The following EPB41L4A variants were observed in gnomAD, a reference collection of about 807,000 sequenced individuals.
EPB41L4A encodes the protein erythrocyte membrane protein band 4.1 like 4A, also known as band 4.1-like protein 4A.
A neutral mutation model predicts 108.6 loss-of-function variants in EPB41L4A; 100 were observed. The observed-to-expected ratio is 0.92, with a 90% CI of 0.78 to 1.09. The LOEUF is 1.09. Ranked by LOEUF, EPB41L4A falls within the 50% of genes least tolerant of loss-of-function variation. The pLI, the probability that EPB41L4A is intolerant of heterozygous loss-of-function variation, is 0.00. For synonymous variants in EPB41L4A, 319 were observed against 289.0 expected (o/e 1.10, Z -1.05); for missense variants, 1,030 against 842.7 (o/e 1.22, Z -2.75).
At chr5:112,409,302 T>C (rs1169561220) in intron 1 of EPB41L4A, among the ~76,000 whole-genome samples, 1 of 152,052 alleles carries the variant, frequency 6.6e-6, no homozygotes, top group East Asian at 1.9e-4. Flanking sequence ...GACAGAAAGA[T>C]TAGTGGTTAC....
At chr5:112,313,695 T>C (rs1042071681) in intron 1 of EPB41L4A, among the ~76,000 whole-genome samples, 8 of 152,028 alleles carry the variant, frequency 5.3e-5, no homozygotes, top group Non-Finnish European at 1.2e-4. Context: ...AGTCATTACC[T>C]TTTTTTGCTG....
At chr5:112,335,660 T>C (rs928755881) in intron 1 of EPB41L4A, among the ~76,000 whole-genome samples, 17 of 152,230 alleles carry the variant, frequency 1.1e-4, no homozygotes, top group African/African-American at 3.9e-4. Flanking sequence ...CTACTGCAAG[T>C]GCCTCCTAAC....
chr5:112,209,412 G>T (rs188516125), intron 13 of EPB41L4A, among the ~76,000 whole-genome samples: 1 of 152,348 alleles, frequency 6.6e-6, no homozygotes, highest in African/African-American at 2.4e-5. Flanking sequence ...CAGATGCAGA[G>T]GACCATGACA....
intron 4 of EPB41L4A, among the ~76,000 whole-genome samples, chr5:112,272,083 A>G (rs1251813578): frequency 6.6e-6 from 1 of 151,636 alleles, no homozygotes; most frequent in Non-Finnish European, 1.5e-5. Context: ...AATACTGCAT[A>G]TATTAATAGT....
intron 17 of EPB41L4A, among the ~76,000 whole-genome samples, chr5:112,186,679 T>C (rs1761443791): frequency 6.6e-6 from 1 of 152,216 alleles, no homozygotes; most frequent in South Asian, 2.1e-4. Flanking sequence ...CACATTTTCC[T>C]GAGTAATGGG....
upstream of EPB41L4A, chr5:112,419,753 C>T (rs1198792956): frequency 6.6e-6 from 3 of 456,666 alleles, no homozygotes; most frequent in African/African-American, 2.0e-5. Context: ...GCAGCAGGCT[C>T]CTTACCCAGA....
rs545931005 is a variant in EPB41L4A, at chr5:112,399,428, C to T, written c.99+19513G>A. Among the ~76,000 whole-genome samples, 9 of 152,336 alleles carry T rather than the reference C, an allele frequency of 5.9e-5. No individual in the cohort carries two copies. In the East Asian group the frequency reaches 1.7e-3, roughly 29 times the overall value. On this transcript the variant is annotated intron_variant, in intron 1 of 22. Transcript: ENST00000261486. ...AAGTTGTAAGCTCCATACTGGGAGGCAGTGTGTCAGCCGGCTTCATGGCTG... is the reference window on the plus strand; with the variant it reads ...AAGTTGTAAGCTCCATACTGGGAGGTAGTGTGTCAGCCGGCTTCATGGCTG...
In EPB41L4A at chr5:112,307,443, T is replaced by C; in HGVS notation, c.147A>G (p.Val49=). Residue 49 remains valine (V), a synonymous_variant, in exon 2 of 23, where the codon GTA becomes GTG. Coordinates refer to ENST00000261486, the MANE Select transcript of EPB41L4A (RefSeq NM_022140.5). ...CAAAATAATCTATCTCCACAAGGTTTACGTGATGGAATACGTGGTCAAGGA... is the reference window on the plus strand; with the variant it reads ...CAAAATAATCTATCTCCACAAGGTTCACGTGATGGAATACGTGGTCAAGGA... ...SVVLDHVFHH[V]NLVEIDYFGL... is the part of the protein sequence containing the mutation. 1 of 1,613,410 alleles carries C rather than the reference T, an allele frequency of 6.2e-7. No individual in the cohort carries two copies. Among genetic ancestry groups the C allele is most frequent in the Non-Finnish European group, 8.5e-7 (1 of 1,179,438 alleles).
intron 18 of EPB41L4A, chr5:112,173,642 C>T: frequency 8.8e-6 from 1 of 113,686 alleles, no homozygotes. Flanking sequence ...GAAATGTTAT[C>T]TTTGTTTTTT....
At chr5:112,397,913 G>A (rs2112722900) in intron 1 of EPB41L4A, among the ~76,000 whole-genome samples, 1 of 152,160 alleles carries the variant, frequency 6.6e-6, no homozygotes, top group East Asian at 1.9e-4. Context: ...CCATTATTCT[G>A]TAGTGCAGCC....
intron 1 of EPB41L4A, among the ~76,000 whole-genome samples, chr5:112,418,399 G>A (rs1385837265): frequency 1.3e-5 from 2 of 152,272 alleles, no homozygotes; most frequent in South Asian, 4.1e-4. Context: ...TTAAATGTGA[G>A]GATAAACCCA....
intron 9 of EPB41L4A, among the ~76,000 whole-genome samples, chr5:112,254,142 AT>A (rs1750898184): frequency 1.3e-5 from 2 of 152,162 alleles, no homozygotes; most frequent in African/African-American, 4.8e-5. Flanking sequence ...GCATTTATTC[AT>A]TCTTTCATTT....
At chr5:112,379,515 G>A (rs1371435900) in intron 1 of EPB41L4A, among the ~76,000 whole-genome samples, 1 of 152,156 alleles carries the variant, frequency 6.6e-6, no homozygotes, top group Admixed American at 6.6e-5. Context: ...AAGGTTATTA[G>A]CAGGAGACCA....
At chr5:112,186,989 T>G (rs934050634) in intron 17 of EPB41L4A, among the ~76,000 whole-genome samples, 10 of 152,256 alleles carry the variant, frequency 6.6e-5, no homozygotes, top group Admixed American at 5.9e-4. Context: ...TCTCATTTAT[T>G]CTCAGGTATG....
intron 12 of EPB41L4A, among the ~76,000 whole-genome samples, chr5:112,226,857 C>A (rs1322028201): frequency 6.6e-6 from 1 of 151,218 alleles, no homozygotes; most frequent in Non-Finnish European, 1.5e-5. Flanking sequence ...GGTATAGTTT[C>A]AGAGTCATAA....
intron 1 of EPB41L4A, among the ~76,000 whole-genome samples, chr5:112,388,671 C>G (rs1353112360): frequency 6.6e-6 from 1 of 152,192 alleles, no homozygotes; most frequent in Non-Finnish European, 1.5e-5. Context: ...TTGCAGTGGA[C>G]AGCTATCTCA....
chr5:112,202,543 G>A (rs1441501154), intron 15 of EPB41L4A, among the ~76,000 whole-genome samples: 2 of 152,140 alleles, frequency 1.3e-5, no homozygotes, highest in African/African-American at 2.4e-5. Flanking sequence ...TATAGAGCAA[G>A]CACTTTGCTC....
chr5:112,304,336 G>C (rs1383380291), intron 2 of EPB41L4A, among the ~76,000 whole-genome samples: 1 of 152,130 alleles, frequency 6.6e-6, no homozygotes, highest in Non-Finnish European at 1.5e-5. Context: ...TAACATTAAA[G>C]TAAGACATAA....
chr5:112,153,301 G>A (rs758870732), intron 12 of EPB41L4A, among the ~76,000 whole-genome samples: 8 of 152,004 alleles, frequency 5.3e-5, no homozygotes, highest in Admixed American at 1.3e-4. Flanking sequence ...CAAGGCGGGC[G>A]GATCACGAGG....
Sources: gnomAD v4.1 joint callset for allele counts (sites outside exome capture counted in the v4.1 genomes callset) on GRCh38, gnomAD v4.1.1 for gene constraint, MANE v1.5 for transcripts, NCBI Gene and HGNC (gene_info 2026-07-23, HGNC 2026-07-21) for gene names.